Variants in SND1 observed in about 807,000 individuals in gnomAD.
SND1 encodes the protein staphylococcal nuclease domain-containing protein 1.
SND1 carries 38 observed loss-of-function variants against 121.7 expected under a neutral mutation model. The ratio of observed to expected loss-of-function variants is 0.31; its 90% confidence interval spans 0.24 to 0.41. The LOEUF (loss-of-function observed/expected upper bound fraction) is 0.41. Ranked by LOEUF, SND1 falls within the 10% of genes least tolerant of loss-of-function variation. The probability of loss-of-function intolerance (pLI) is 1.00; values close to 1 mark genes in which losing one functional copy is unlikely to be tolerated. For missense variants in SND1, 868 were observed against 1,184.6 expected (o/e 0.73, Z 3.92); for synonymous variants, 401 against 447.4 (o/e 0.90, Z 1.31).
At chr7:127,938,050 C>T (rs930814823) in intron 15 of SND1, among the ~76,000 whole-genome samples, 1 of 152,206 alleles carries the variant, frequency 6.6e-6, no homozygotes, top group African/African-American at 2.4e-5. Context: ...GGTATTCTTT[C>T]TCTTGGGATA....
chr7:127,692,522 C>G (rs1795939797), intron 2 of SND1: 1 of 152,230 alleles, frequency 6.6e-6, no homozygotes, highest in Admixed American at 6.5e-5. Context: ...GCCTGGCTGT[C>G]CTTTGTGTGG....
intron 1 of SND1, among the ~76,000 whole-genome samples, chr7:127,657,321 G>A (rs1795229804): frequency 6.6e-6 from 1 of 152,258 alleles, no homozygotes; most frequent in Admixed American, 6.5e-5. Flanking sequence ...GTGGTTTGTA[G>A]TAAGGGAGAG....
At chr7:127,845,689 G>C (rs969375451) in intron 12 of SND1, among the ~76,000 whole-genome samples, 2 of 152,168 alleles carry the variant, frequency 1.3e-5, no homozygotes, top group Non-Finnish European at 2.9e-5. Flanking sequence ...CATCTCCATA[G>C]ATACTGCTGC....
At chr7:127,809,222 T>G (rs1055319796) in intron 11 of SND1, among the ~76,000 whole-genome samples, 1 of 152,324 alleles carries the variant, frequency 6.6e-6, no homozygotes, top group East Asian at 1.9e-4. Context: ...TTAGGTTCCC[T>G]CTTGGTGAGA....
At chr7:127,734,893 G>A (rs996023996) in intron 10 of SND1, among the ~76,000 whole-genome samples, 19 of 152,124 alleles carry the variant, frequency 1.2e-4, no homozygotes, top group African/African-American at 4.6e-4. Context: ...GTCAGTTTTG[G>A]GTTTATTAAT....
chr7:127,964,081 G>A (rs201012278), intron 15 of SND1, among the ~76,000 whole-genome samples: 7,924 of 149,218 alleles, frequency 0.053, 563 homozygotes, highest in African/African-American at 0.17. Flanking sequence ...CATGTCCTTC[G>A]CCCACTTTTT....
chr7:127,710,567 T>C (rs1471415302), intron 9 of SND1, among the ~76,000 whole-genome samples: 3 of 152,220 alleles, frequency 2.0e-5, no homozygotes, highest in Non-Finnish European at 4.4e-5. Flanking sequence ...CTGTACTCTT[T>C]TGTGTGTAAT....
chr7:127,994,430 G>C (rs1802589824), intron 16 of SND1, among the ~76,000 whole-genome samples: 2 of 151,644 alleles, frequency 1.3e-5, no homozygotes, highest in Non-Finnish European at 2.9e-5. Flanking sequence ...GGGCATTCTG[G>C]TGGTGCTGCC....
chr7:127,954,289 T>C (rs1194695317), intron 15 of SND1, among the ~76,000 whole-genome samples: 1 of 152,194 alleles, frequency 6.6e-6, no homozygotes, highest in Non-Finnish European at 1.5e-5. Context: ...GTACTAAAGA[T>C]CTTATCTGTG....
At chr7:128,074,458 T>G (rs754436528) in intron 16 of SND1, 44 bp from the exon 17 acceptor site, 1 of 1,565,344 alleles carries the variant, frequency 6.4e-7, no homozygotes, top group African/African-American at 1.3e-5. Context: ...CCCTGCACAC[T>G]CAGGCCTGGC....
At chr7:127,969,652 C>G (rs537096553) in intron 15 of SND1, among the ~76,000 whole-genome samples, 4 of 152,080 alleles carry the variant, frequency 2.6e-5, no homozygotes, top group Non-Finnish European at 5.9e-5. Flanking sequence ...AGTGTGAACC[C>G]GGGAGGCGGA....
At chr7:127,846,110 A>G (rs1004772904) in intron 12 of SND1, among the ~76,000 whole-genome samples, 3 of 152,206 alleles carry the variant, frequency 2.0e-5, no homozygotes, top group Admixed American at 1.3e-4. Flanking sequence ...GAAGGTGTCA[A>G]TTCTGTTGGC....
At chr7:128,006,225 A>AGGGT (rs908269387) in intron 16 of SND1, among the ~76,000 whole-genome samples, 3 of 150,938 alleles carry the variant, frequency 2.0e-5, no homozygotes, top group Non-Finnish European at 2.9e-5. Flanking sequence ...AAGCATGGGA[A>AGGGT]GGGTGCGTGC....
chr7:127,727,357 C>T (rs1796600131), intron 10 of SND1, among the ~76,000 whole-genome samples: 1 of 152,142 alleles, frequency 6.6e-6, no homozygotes, highest in Non-Finnish European at 1.5e-5. Flanking sequence ...CTGATAACTC[C>T]ATTCATTGTA....
intron 10 of SND1, among the ~76,000 whole-genome samples, chr7:127,758,017 GC>G (rs1180999426): frequency 1.3e-5 from 2 of 152,128 alleles, no homozygotes; most frequent in African/African-American, 4.8e-5. Context: ...CAATCGCTAT[GC>G]CGCAAGATCT....
intron 19 of SND1, 88 bp downstream of exon 19, chr7:128,084,935 G>C: frequency 7.3e-7 from 1 of 1,377,236 alleles, no homozygotes; most frequent in Non-Finnish European, 9.7e-7. Flanking sequence ...TTAGCAGTCT[G>C]GTTTCCCCAG....
intron 12 of SND1, among the ~76,000 whole-genome samples, chr7:127,882,405 A>T (rs372114196): frequency 9.2e-6 from 1 of 108,136 alleles, no homozygotes; most frequent in African/African-American, 3.5e-5. Context: ...GGAGGGAGGG[A>T]CGGAGGAGAA....
intron 15 of SND1, among the ~76,000 whole-genome samples, chr7:127,975,942 A>G (rs1802110604): frequency 6.6e-6 from 1 of 152,204 alleles, no homozygotes. Flanking sequence ...GATTTGGGTC[A>G]TTGTGACAGT....
rs954416003 is a variant in SND1, at chr7:127,774,040, C to T, written c.1153-33444C>T. On this transcript the variant is annotated intron_variant, in intron 10 of 23. Transcript: ENST00000354725. Reference sequence around the variant, plus strand: ...CTAGTTTCTGTATTTACGATACCATCCTTTCTATCATCGTTTTAGAGTATA... The same window carrying T: ...CTAGTTTCTGTATTTACGATACCATTCTTTCTATCATCGTTTTAGAGTATA... Among the ~76,000 whole-genome samples, 5 of 152,268 alleles carry T rather than the reference C, an allele frequency of 3.3e-5. No individual in the cohort carries two copies. In the East Asian group the frequency reaches 9.6e-4, roughly 29 times the overall value.
Sources: gnomAD v4.1 joint callset for allele counts (sites outside exome capture counted in the v4.1 genomes callset) on GRCh38, gnomAD v4.1.1 for gene constraint, MANE v1.5 for transcripts, NCBI Gene and HGNC (gene_info 2026-07-23, HGNC 2026-07-21) for gene names.